The following RARB variants were observed in gnomAD, a reference collection of about 807,000 sequenced individuals.
RARB encodes the protein HBV-activated protein.
Under a neutral mutation model 51.9 loss-of-function variants are expected in RARB, and 17 were observed. The ratio of observed to expected loss-of-function variants is 0.33; its 90% CI spans 0.22 to 0.49. The LOEUF (loss-of-function observed/expected upper bound fraction) is 0.49. RARB is among the 20% of genes least tolerant of loss of function. The pLI is 0.99. For synonymous variants in RARB, 215 were observed against 195.4 expected (o/e 1.10, Z -0.84); for missense variants, 369 against 550.8 (o/e 0.67, Z 3.30).
chr3:25,006,919 A>T (rs12629250), intron 2 of RARB, among the ~76,000 whole-genome samples: 1 of 152,188 alleles, frequency 6.6e-6, no homozygotes, highest in East Asian at 1.9e-4. Context: ...GCAGAAGGTC[A>T]GTGACTAAAT....
chr3:25,463,640 C>T (rs897332003), intron 2 of RARB, among the ~76,000 whole-genome samples: 8 of 149,602 alleles, frequency 5.3e-5, no homozygotes, highest in Middle Eastern at 3.5e-3. Flanking sequence ...TCCAGCCTGA[C>T]GACAGAGTGA....
chr3:24,953,633 GAATA>G (rs1242477518), intron 2 of RARB, among the ~76,000 whole-genome samples: 1 of 152,178 alleles, frequency 6.6e-6, no homozygotes, highest in Non-Finnish European at 1.5e-5. Flanking sequence ...GATAGACACT[GAATA>G]GATAGTAGAT....
At chr3:25,491,270 C>G (rs547797318) in intron 2 of RARB, among the ~76,000 whole-genome samples, 1 of 152,078 alleles carries the variant, frequency 6.6e-6, no homozygotes, top group Non-Finnish European at 1.5e-5. Flanking sequence ...TCCCACTCCC[C>G]CTGCACCCCC....
At chr3:25,362,866 G>T (rs972016863) in intron 5 of RARB, among the ~76,000 whole-genome samples, 3 of 152,174 alleles carry the variant, frequency 2.0e-5, no homozygotes, top group African/African-American at 7.2e-5. Flanking sequence ...GAGATCACCA[G>T]CCTTCTGCGT....
At chr3:25,496,739 A>T (rs764810468) in intron 2 of RARB, among the ~76,000 whole-genome samples, 7 of 152,256 alleles carry the variant, frequency 4.6e-5, no homozygotes, top group African/African-American at 7.2e-5. Context: ...TGCTTAGATC[A>T]GTCAGAGAAG....
intron 5 of RARB, among the ~76,000 whole-genome samples, chr3:25,363,598 G>T (rs1706021355): frequency 6.6e-6 from 1 of 152,078 alleles, no homozygotes; most frequent in Non-Finnish European, 1.5e-5. Context: ...ACAATCTAAT[G>T]ACTTCTCCAC....
intron 2 of RARB, among the ~76,000 whole-genome samples, chr3:25,025,339 C>A (rs1384568529): frequency 1.3e-5 from 2 of 152,122 alleles, no homozygotes; most frequent in Non-Finnish European, 2.9e-5. Flanking sequence ...TATCTTGGAG[C>A]CCTTCTCCTT....
intron 5 of RARB, among the ~76,000 whole-genome samples, chr3:25,264,998 AG>A (rs2066597863): frequency 6.6e-6 from 1 of 152,176 alleles, no homozygotes; most frequent in Non-Finnish European, 1.5e-5. Flanking sequence ...TCTCAGAAAT[AG>A]TATTAGCACC....
At chr3:25,386,437 A>G (rs531790286) in intron 5 of RARB, among the ~76,000 whole-genome samples, 1 of 152,172 alleles carries the variant, frequency 6.6e-6, no homozygotes, top group African/African-American at 2.4e-5. Flanking sequence ...ACGATTTTAT[A>G]AGAAGGAAAA....
intron 2 of RARB, among the ~76,000 whole-genome samples, chr3:24,961,847 G>T (rs1197483932): frequency 6.8e-6 from 1 of 146,808 alleles, no homozygotes; most frequent in East Asian, 2.1e-4. Flanking sequence ...TAAAAACAAA[G>T]CATTTTGGTT....
intron 2 of RARB, among the ~76,000 whole-genome samples, chr3:24,987,151 T>C (rs1306144421): frequency 6.6e-6 from 1 of 152,216 alleles, no homozygotes; most frequent in Non-Finnish European, 1.5e-5. Context: ...TATATATTCA[T>C]AATATAAAAA....
intron 3 of RARB, among the ~76,000 whole-genome samples, chr3:25,568,233 CT>C (rs945854447): frequency 9.2e-5 from 14 of 152,294 alleles, no homozygotes; most frequent in Admixed American, 8.5e-4. Context: ...TGTTGGTTTC[CT>C]TAGGAATAAG....
intron 5 of RARB, among the ~76,000 whole-genome samples, chr3:25,412,668 C>G (rs1707593522): frequency 6.6e-6 from 1 of 152,134 alleles, no homozygotes. Flanking sequence ...TAAATGTATA[C>G]AGCTTAGTTT....
At chr3:25,029,625 A>G (rs1344137064) in intron 2 of RARB, among the ~76,000 whole-genome samples, 1 of 152,110 alleles carries the variant, frequency 6.6e-6, no homozygotes, top group Non-Finnish European at 1.5e-5. Flanking sequence ...ACTCTGACCT[A>G]TTTCTCACCC....
Position 25,379,536 on chromosome 3 carries a change from T to A in RARB, c.179-81657T>A, listed in dbSNP as rs192467110. The stretch of plus-strand genomic sequence containing the variant: ...TAAGGATAAAATGGTTATAACGTGC[T>A]ATGCAAATGTGTGATCAAACACTAC... On this transcript the variant is annotated intron_variant, in intron 5 of 11. Transcript: ENST00000383772. Among the ~76,000 whole-genome samples the A allele has an allele frequency of 3.2e-3, 487 of 152,322 alleles. 6 individuals carry two copies. The highest frequency in any genetic ancestry group is 1.9e-3 in the Non-Finnish European group (131 of 68,024).
chr3:25,142,901 C>T (rs1700132338), intron 4 of RARB, among the ~76,000 whole-genome samples: 1 of 152,084 alleles, frequency 6.6e-6, no homozygotes, highest in Non-Finnish European at 1.5e-5. Flanking sequence ...GTGTCTGATC[C>T]TCTGCTGGAT....
At chr3:25,164,367 G>T (rs982083803) in intron 4 of RARB, among the ~76,000 whole-genome samples, 1 of 152,192 alleles carries the variant, frequency 6.6e-6, no homozygotes, top group Non-Finnish European at 1.5e-5. Flanking sequence ...TAGGTGGGAA[G>T]GCCAGCGTTA....
intron 2 of RARB, among the ~76,000 whole-genome samples, chr3:25,013,512 A>T (rs1262134762): frequency 6.6e-6 from 1 of 152,060 alleles, no homozygotes; most frequent in African/African-American, 2.4e-5. Context: ...TGCCATGAAG[A>T]CTGACCCTCA....
intron 2 of RARB, among the ~76,000 whole-genome samples, chr3:24,989,794 T>C (rs1416059488): frequency 9.8e-5 from 3 of 30,738 alleles, no homozygotes; most frequent in Admixed American, 4.1e-4. Context: ...TTTTTTTTTT[T>C]TTTTTTTTTT....
Sources: gnomAD v4.1 joint callset for allele counts (sites outside exome capture counted in the v4.1 genomes callset) on GRCh38, gnomAD v4.1.1 for gene constraint, MANE v1.5 for transcripts, NCBI Gene and HGNC (gene_info 2026-07-23, HGNC 2026-07-21) for gene names.